Variants in CASD1 observed in about 807,000 individuals in gnomAD.
The protein encoded by CASD1 is N-acetylneuraminate (7)9-O-acetyltransferase.
In CASD1, 41 loss-of-function variants were observed where a neutral mutation model predicts 100.0. The observed-to-expected ratio is 0.41, with a 90% CI of 0.32 to 0.53. The LOEUF (loss-of-function observed/expected upper bound fraction) is 0.53. Among genes scored for constraint, CASD1 ranks in the 20% least tolerant of loss-of-function variants. CASD1 has a pLI of 0.25. For synonymous variants in CASD1, 321 were observed against 315.6 expected (o/e 1.02, Z -0.18); for missense variants, 774 against 948.7 (o/e 0.82, Z 2.42).
At chr7:94,616,814 T>G in the CASD1 span, 1 of 152,200 alleles carries the variant, frequency 6.6e-6, no homozygotes, top group African/African-American at 2.4e-5. Flanking sequence ...ACAGACACAC[T>G]GGAGTAATAG....
intron 1 of CASD1, among the ~76,000 whole-genome samples, chr7:94,512,936 T>C (rs534855538): frequency 1.6e-4 from 25 of 152,234 alleles, no homozygotes; most frequent in Non-Finnish European, 2.8e-4. Context: ...GTCTGTCTCA[T>C]GCCTTATGTT....
the CASD1 span, chr7:94,625,058 T>C: frequency 6.6e-6 from 1 of 152,020 alleles, no homozygotes; most frequent in East Asian, 1.9e-4. Context: ...CTTATTATGA[T>C]GATGTGAAGA....
the CASD1 span, among the ~76,000 whole-genome samples, chr7:94,575,880 A>G: frequency 2.0e-5 from 3 of 152,146 alleles, no homozygotes; most frequent in African/African-American, 7.2e-5. Flanking sequence ...CACGTATTGA[A>G]TTACATTTTT....
chr7:94,533,365 T>G (rs1289888647), intron 6 of CASD1, 116 bp downstream of exon 6: 1 of 753,836 alleles, frequency 1.3e-6, no homozygotes. Flanking sequence ...TAATTCCTAC[T>G]TCTATTATGA....
At chr7:94,542,351 TGTAA>T (rs1190434419) in intron 10 of CASD1, among the ~76,000 whole-genome samples, 3 of 152,226 alleles carry the variant, frequency 2.0e-5, no homozygotes, top group Admixed American at 1.3e-4. Context: ...TCAGATGTGC[TGTAA>T]GTGTGAAATG....
At chr7:94,616,412 C>T in the CASD1 span, among the ~76,000 whole-genome samples, 1 of 152,040 alleles carries the variant, frequency 6.6e-6, no homozygotes, top group Non-Finnish European at 1.5e-5. Context: ...TATTAGGTGC[C>T]TAGTTAATAC....
At chr7:94,618,700 A>G in the CASD1 span, 1 of 1,417,942 alleles carries the variant, frequency 7.1e-7, no homozygotes, top group South Asian at 1.2e-5. Context: ...AATAAGTTTG[A>G]TAAGATCACC....
downstream of CASD1, among the ~76,000 whole-genome samples, chr7:94,558,627 C>A (rs1393469208): frequency 1.3e-5 from 2 of 152,106 alleles, no homozygotes; most frequent in Non-Finnish European, 2.9e-5. Flanking sequence ...TTCTTGTGTT[C>A]ATTCCCCAAA....
chr7:94,629,686 T>C, the CASD1 span: 8 of 1,608,502 alleles, frequency 5.0e-6, no homozygotes, highest in Non-Finnish European at 6.8e-6. Flanking sequence ...ATTTAGTACG[T>C]TAACTGCTTT....
chr7:94,599,735 A>G, the CASD1 span: 2 of 1,566,112 alleles, frequency 1.3e-6, no homozygotes, highest in Middle Eastern at 1.7e-4. Flanking sequence ...TAGAAACAAA[A>G]CAAAATTTAT....
At chr7:94,577,661 A>C in the CASD1 span, among the ~76,000 whole-genome samples, 2 of 152,188 alleles carry the variant, frequency 1.3e-5, no homozygotes, top group Non-Finnish European at 2.9e-5. Flanking sequence ...GCCTCTATGG[A>C]AATCTCATTC....
At chr7:94,588,836 A>G in the CASD1 span, 1 of 1,274,968 alleles carries the variant, frequency 7.8e-7, no homozygotes. Flanking sequence ...CTATGACCCC[A>G]GTCATGTAAT....
the CASD1 span, chr7:94,588,609 A>G: frequency 6.4e-7 from 1 of 1,554,616 alleles, no homozygotes. Context: ...ATAAAGCTTC[A>G]TAAATTATAT....
the CASD1 span, chr7:94,628,012 C>A: frequency 1.9e-6 from 1 of 521,434 alleles, no homozygotes; most frequent in South Asian, 3.0e-5. Context: ...AAAGCTGAAA[C>A]AAAAACTTTA....
chr7:94,549,437 T>C (rs10272136), intron 13 of CASD1, 96 bp from the exon 14 acceptor site: 433,650 of 743,114 alleles, frequency 0.58, 130,913 homozygotes, highest in East Asian at 0.74. Context: ...GACTCTTATA[T>C]AATCCAAACT....
At chr7:94,553,586 A>G (rs1416416390) in intron 16 of CASD1, among the ~76,000 whole-genome samples, 7 of 152,140 alleles carry the variant, frequency 4.6e-5, no homozygotes, top group Non-Finnish European at 2.9e-5. Flanking sequence ...TCCTTTTGTA[A>G]GAGAAAGTTT....
intron 11 of CASD1, 104 bp downstream of exon 11, chr7:94,544,634 A>G: frequency 8.4e-7 from 1 of 1,188,282 alleles, no homozygotes; most frequent in Non-Finnish European, 1.1e-6. Context: ...AAGACTGAAT[A>G]ATTTGAATTT....
rs369679895 is a variant in CASD1 at position 94,544,391 on chromosome 7, C to T, written c.1357-20C>T. ...TAGTTGATGCCAACATATGTTTTAC[C>T]TGTTTATCTTTGTCAACAGTTTTTG... On this transcript the variant is annotated intron_variant, in intron 10 of 17. Coordinates refer to ENST00000297273, the MANE Select transcript of CASD1 (RefSeq NM_022900.5). 2.1e-4 allele frequency: 333 copies of T among 1,611,192 alleles called. 8 individuals carry two copies. The South Asian group carries it at 2.6e-3, about 13-fold the overall frequency.
At chr7:94,531,503 G>A (rs1173301324) in intron 5 of CASD1, among the ~76,000 whole-genome samples, 2 of 152,100 alleles carry the variant, frequency 1.3e-5, no homozygotes, top group African/African-American at 4.8e-5. Flanking sequence ...TGGAATGTAA[G>A]GTTTGGGATA....
Sources: gnomAD v4.1 joint callset for allele counts (sites outside exome capture counted in the v4.1 genomes callset) on GRCh38, gnomAD v4.1.1 for gene constraint, MANE v1.5 for transcripts, NCBI Gene and HGNC (gene_info 2026-07-23, HGNC 2026-07-21) for gene names.